FABP7: variants seen among roughly 807,000 people sequenced by gnomAD.
The protein encoded by FABP7 is fatty acid-binding protein, brain.
Under a neutral mutation model 14.2 loss-of-function variants are expected in FABP7, and 13 were observed. The ratio of observed to expected loss-of-function variants is 0.91; its 90% confidence interval spans 0.59 to 1.45. The LOEUF (loss-of-function observed/expected upper bound fraction) is 1.45, where lower values mean the gene tolerates loss of function less well. FABP7 is among the 40% of genes most tolerant of loss of function. The pLI is 0.00. For missense variants in FABP7, 149 were observed against 157.6 expected (o/e 0.95, Z 0.29); for synonymous variants, 49 against 51.4 (o/e 0.95, Z 0.20).
At chr6:122,760,380 G>A in the FABP7 span, among the ~76,000 whole-genome samples, 3 of 152,080 alleles carry the variant, frequency 2.0e-5, no homozygotes, top group Admixed American at 6.6e-5. Context: ...CTTATCATTA[G>A]CATTTGCATG....
the FABP7 span, among the ~76,000 whole-genome samples, chr6:122,771,746 G>C: frequency 9.2e-5 from 14 of 152,176 alleles, no homozygotes; most frequent in Admixed American, 2.0e-4. Flanking sequence ...TTAAAGAAGA[G>C]GCTTAGATAC....
the FABP7 span, among the ~76,000 whole-genome samples, chr6:122,753,017 GC>G: frequency 3.3e-5 from 5 of 152,180 alleles, no homozygotes; most frequent in African/African-American, 1.2e-4. Context: ...TAAAGGCAAA[GC>G]AAAAGAAAGA....
intron 3 of FABP7, chr6:122,782,885 T>C (rs751719212): frequency 4.1e-6 from 4 of 985,294 alleles, no homozygotes; most frequent in Non-Finnish European, 4.8e-6. Flanking sequence ...AAGAAAGGAC[T>C]CATTTCTAAA....
the FABP7 span, among the ~76,000 whole-genome samples, chr6:122,765,490 A>G: frequency 2.0e-5 from 3 of 152,140 alleles, no homozygotes; most frequent in East Asian, 1.9e-4. Flanking sequence ...TATATTTTAT[A>G]TTCCAGTTCT....
chr6:122,781,527 A>G (rs913140008), intron 3 of FABP7: 5 of 1,325,800 alleles, frequency 3.8e-6, no homozygotes, highest in East Asian at 5.2e-5. Context: ...AAAATTTAAT[A>G]TAAAGCCCAT....
chr6:122,751,848 C>A, the FABP7 span, among the ~76,000 whole-genome samples: 5 of 152,128 alleles, frequency 3.3e-5, no homozygotes, highest in Non-Finnish European at 7.4e-5. Flanking sequence ...AGCTCCCAGG[C>A]TCTCTTGCTT....
At chr6:122,779,549 C>G (rs1274725921), upstream of FABP7, 1 of 546,428 alleles carries the variant, frequency 1.8e-6, no homozygotes, top group Non-Finnish European at 3.3e-6. Context: ...TGGCCTGAGC[C>G]AATCACAAAG....
the FABP7 span, among the ~76,000 whole-genome samples, chr6:122,771,912 C>T: frequency 1.3e-5 from 2 of 152,128 alleles, no homozygotes; most frequent in African/African-American, 4.8e-5. Flanking sequence ...ATTTGTGGAG[C>T]ACATATCAAG....
chr6:122,774,603 T>C, the FABP7 span, among the ~76,000 whole-genome samples: 1 of 151,814 alleles, frequency 6.6e-6, no homozygotes, highest in Non-Finnish European at 1.5e-5. Flanking sequence ...GTATATGGAG[T>C]TATAGAACAG....
At chr6:122,780,241 A>G in intron 1 of FABP7, 50 bp from the exon 2 acceptor site, 3 of 1,586,084 alleles carry the variant, frequency 1.9e-6, no homozygotes, top group South Asian at 2.3e-5. Context: ...TTGCTTTGTG[A>G]GTTATTTTGG....
the FABP7 span, among the ~76,000 whole-genome samples, chr6:122,773,891 AAAAC>A: frequency 2.0e-5 from 3 of 152,150 alleles, no homozygotes; most frequent in East Asian, 3.9e-4. Flanking sequence ...CTTTTTAAAA[AAAAC>A]AAACAAACAG....
Position 122,782,809 on chromosome 6 carries a change from C to G in FABP7, c.349-908C>G, listed in dbSNP as rs1439066895. 6.3e-5 allele frequency: 62 copies of G among 984,964 alleles called. 1 individual carries two copies. The highest frequency in any genetic ancestry group is 2.4e-6 in the Non-Finnish European group (2 of 829,852). The allele number at this position is 984,964 out of a possible 1,614,324, so 61.0% of individuals were successfully genotyped here. ...TTTCTGTGGAGATGGAGGTGGGGAG[C>G]AGAGGGACAGTTTTCCTTTCATGTT... On this transcript the variant is annotated intron_variant, in intron 3 of 3. Transcript: ENST00000368444.
At chr6:122,755,703 C>T in the FABP7 span, among the ~76,000 whole-genome samples, 3 of 151,946 alleles carry the variant, frequency 2.0e-5, no homozygotes, top group South Asian at 4.2e-4. Flanking sequence ...GTGATCTGCC[C>T]GCCTCAGCCT....
At chr6:122,772,312 A>G in the FABP7 span, among the ~76,000 whole-genome samples, 1 of 152,156 alleles carries the variant, frequency 6.6e-6, no homozygotes, top group South Asian at 2.1e-4. Flanking sequence ...GAAGCAGGCT[A>G]AGAATGGAAT....
chr6:122,760,909 A>G, the FABP7 span, among the ~76,000 whole-genome samples: 36 of 152,302 alleles, frequency 2.4e-4, no homozygotes, highest in African/African-American at 7.9e-4. Flanking sequence ...GCAGCTTTGT[A>G]AAAGATTAGT....
At chr6:122,750,051 T>C in the FABP7 span, among the ~76,000 whole-genome samples, 1 of 152,194 alleles carries the variant, frequency 6.6e-6, no homozygotes, top group Non-Finnish European at 1.5e-5. Context: ...ATGAGTAGTT[T>C]GAATTGTATT....
chr6:122,776,877 A>T (rs1780684678), upstream of FABP7, among the ~76,000 whole-genome samples: 1 of 152,224 alleles, frequency 6.6e-6, no homozygotes, highest in Non-Finnish European at 1.5e-5. Flanking sequence ...CTGTATGGCA[A>T]CATGTATTCT....
At chr6:122,764,991 G>A in the FABP7 span, among the ~76,000 whole-genome samples, 1 of 152,138 alleles carries the variant, frequency 6.6e-6, no homozygotes, top group East Asian at 1.9e-4. Flanking sequence ...GCCTAATGTA[G>A]TTTCTTCCTG....
chr6:122,755,305 C>A, the FABP7 span, among the ~76,000 whole-genome samples: 4 of 151,924 alleles, frequency 2.6e-5, no homozygotes, highest in East Asian at 7.7e-4. Context: ...ACATGTACTT[C>A]TTTTTATTAT....
Sources: allele counts gnomAD v4.1 joint callset (sites outside exome capture counted in the v4.1 genomes callset), GRCh38; gene constraint gnomAD v4.1.1; transcripts MANE v1.5; gene names NCBI Gene and HGNC (gene_info 2026-07-23, HGNC 2026-07-21).